Variants in TRMT9B observed in about 807,000 individuals in gnomAD.
TRMT9B encodes the protein probable tRNA methyltransferase 9B.
Under a neutral mutation model 11.5 loss-of-function variants are expected in TRMT9B, and 16 were observed. That is an observed-to-expected ratio of 1.39 (90% CI 0.94 to 2.11). The LOEUF (loss-of-function observed/expected upper bound fraction) is 2.11. TRMT9B is among the 30% of genes most tolerant of loss of function. The pLI is 0.00. For missense variants in TRMT9B, 941 were observed against 553.8 expected, an observed-to-expected ratio of 1.70 and a Z score of -7.02; for synonymous variants, 274 against 192.4, an observed-to-expected ratio of 1.42 and a Z score of -3.51.
chr8:12,967,244 C>T (rs1802942515), intron 1 of TRMT9B, among the ~76,000 whole-genome samples: 1 of 152,104 alleles, frequency 6.6e-6, no homozygotes. Flanking sequence ...AGTTAAATAC[C>T]AGTGGGTTGA....
At chr8:13,006,607 T>C in intron 3 of TRMT9B, 1 of 1,389,396 alleles carries the variant, frequency 7.2e-7, no homozygotes, top group Non-Finnish European at 9.3e-7. Context: ...AATATTCATT[T>C]TACAGCAGAA....
At chr8:12,964,100 A>G (rs1802497040) in intron 1 of TRMT9B, among the ~76,000 whole-genome samples, 1 of 152,274 alleles carries the variant, frequency 6.6e-6, no homozygotes, top group Admixed American at 6.5e-5. Context: ...CAGAGGTTTT[A>G]TGATCAAGGT....
chr8:13,017,293 A>G (rs1228588579), intron 4 of TRMT9B, among the ~76,000 whole-genome samples: 2 of 152,208 alleles, frequency 1.3e-5, no homozygotes, highest in African/African-American at 4.8e-5. Flanking sequence ...GTAACAAGAC[A>G]TTCAAGGAGA....
chr8:13,005,419 G>A (rs1810278037), intron 2 of TRMT9B, among the ~76,000 whole-genome samples: 4 of 152,150 alleles, frequency 2.6e-5, no homozygotes, highest in South Asian at 4.1e-4. Flanking sequence ...ATTTTTAAAT[G>A]ACTAAAAGAG....
chr8:12,954,461 A>G (rs144700501), intron 1 of TRMT9B, among the ~76,000 whole-genome samples: 1 of 152,366 alleles, frequency 6.6e-6, no homozygotes, highest in African/African-American at 2.4e-5. Context: ...ATGCCTGTTT[A>G]CTACATGTCA....
At position 13,021,897 on chromosome 8, in the gene TRMT9B, A is replaced by G. The variant is rs1171251225; in HGVS notation, c.1218A>G (p.Thr406=). The G allele has an allele frequency of 6.2e-6, 10 of 1,613,732 alleles. No homozygotes were observed. Among genetic ancestry groups the G allele is most frequent in the South Asian group, 1.1e-5 (1 of 91,072 alleles). Residue 406 remains threonine, a synonymous_variant, in exon 5 of 5, where the codon ACA becomes ACG. Coordinates refer to ENST00000524591, the MANE Select transcript of TRMT9B (RefSeq NM_020844.3). ...CACAGACTGATGTTTTGGACTCCAC[A>G]GCCTTTATGCGCTACTACCATGTGT... is the stretch of plus-strand genomic sequence containing the variant. ...EDPQTDVLDS[T]AFMRYYHVFR...
intron 4 of TRMT9B, among the ~76,000 whole-genome samples, chr8:13,018,753 T>C (rs1813276129): frequency 1.3e-5 from 2 of 152,196 alleles, no homozygotes; most frequent in Non-Finnish European, 2.9e-5. Context: ...TTTAAACTCA[T>C]ACCAACAGCA....
chr8:13,015,350 T>C (rs1440994824), intron 4 of TRMT9B, among the ~76,000 whole-genome samples: 2 of 152,106 alleles, frequency 1.3e-5, no homozygotes, highest in African/African-American at 4.8e-5. Context: ...CTTCAGCATT[T>C]AGAATCCGCA....
chr8:13,004,883 T>C (rs1810144177), intron 2 of TRMT9B, among the ~76,000 whole-genome samples: 1 of 151,908 alleles, frequency 6.6e-6, no homozygotes, highest in South Asian at 2.1e-4. Context: ...TGGGAAGGGC[T>C]GCATCTCATG....
intron 1 of TRMT9B, among the ~76,000 whole-genome samples, chr8:12,959,516 C>CG (rs1801776342): frequency 1.3e-5 from 1 of 74,896 alleles, no homozygotes; most frequent in African/African-American, 5.0e-5. Context: ...TTTTTCCTTC[C>CG]TTTTTTTTTT....
At chr8:12,968,719 G>C (rs558417917) in intron 1 of TRMT9B, among the ~76,000 whole-genome samples, 53 of 152,288 alleles carry the variant, frequency 3.5e-4, no homozygotes, top group Non-Finnish European at 5.9e-4. Flanking sequence ...TGAGTCGCGA[G>C]AGTGCACCCC....
At position 12,965,951 on chromosome 8, in the gene TRMT9B, A is replaced by G. The variant is rs1324865903; in HGVS notation, c.-200+19985A>G. Among the ~76,000 whole-genome samples, 4 of 151,838 alleles carry G rather than the reference A, an allele frequency of 2.6e-5. No individual in the cohort carries two copies. The East Asian group carries it at 7.8e-4, about 30-fold the overall frequency. The stretch of plus-strand genomic sequence containing the variant: ...CCACTTGAACCTGGGAGGCGGAAGT[A>G]GTAGTGAGCCAAGATAGTGCCACCG... On this transcript the variant is annotated intron_variant, in intron 1 of 4. Transcript: ENST00000524591.
At chr8:12,985,540 T>G (rs1437387996) in intron 1 of TRMT9B, among the ~76,000 whole-genome samples, 1 of 152,238 alleles carries the variant, frequency 6.6e-6, no homozygotes, top group African/African-American at 2.4e-5. Flanking sequence ...AGGCTGTGCT[T>G]ATTCAGCTCT....
chr8:12,976,039 G>C (rs1304780993), intron 1 of TRMT9B, among the ~76,000 whole-genome samples: 3 of 152,170 alleles, frequency 2.0e-5, no homozygotes, highest in Non-Finnish European at 4.4e-5. Flanking sequence ...GGAATTTATT[G>C]AAATATGAAG....
At chr8:13,002,327 G>A (rs931317091) in intron 2 of TRMT9B, among the ~76,000 whole-genome samples, 3 of 152,182 alleles carry the variant, frequency 2.0e-5, no homozygotes, top group African/African-American at 7.2e-5. Context: ...AAAACGTATT[G>A]CTTGATTGAT....
intron 4 of TRMT9B, among the ~76,000 whole-genome samples, chr8:13,014,510 CTCT>C (rs758985918): frequency 1.6e-4 from 25 of 152,004 alleles, no homozygotes; most frequent in Non-Finnish European, 3.2e-4. Context: ...GCTCTCTGGT[CTCT>C]TCTTATAAAT....
At chr8:12,977,850 A>AC (rs1404635048) in intron 1 of TRMT9B, among the ~76,000 whole-genome samples, 4 of 89,480 alleles carry the variant, frequency 4.5e-5, no homozygotes, top group Non-Finnish European at 7.2e-5. Flanking sequence ...CCCTATCTCT[A>AC]CAAAAAAAAA....
intron 2 of TRMT9B, among the ~76,000 whole-genome samples, chr8:12,999,859 A>T (rs1322860648): frequency 6.6e-6 from 1 of 152,214 alleles, no homozygotes; most frequent in Non-Finnish European, 1.5e-5. Flanking sequence ...AAAAAGTAGG[A>T]TGCAAAACTG....
At chr8:12,988,846 T>A (rs1258367247) in intron 1 of TRMT9B, among the ~76,000 whole-genome samples, 1 of 152,322 alleles carries the variant, frequency 6.6e-6, no homozygotes, top group East Asian at 1.9e-4. Context: ...TGGTATTAAA[T>A]AAGGCAAGGC....
Sources: allele counts gnomAD v4.1 joint callset (sites outside exome capture counted in the v4.1 genomes callset), GRCh38; gene constraint gnomAD v4.1.1; transcripts MANE v1.5; gene names NCBI Gene and HGNC (gene_info 2026-07-23, HGNC 2026-07-21).